The following NPC1 variants were observed in gnomAD, a reference collection of about 807,000 sequenced individuals.
NPC1 encodes the protein Niemann-Pick C1 protein.
Under a neutral mutation model 140.4 loss-of-function variants are expected in NPC1, and 85 were observed. That is an observed-to-expected ratio of 0.61 (90% CI 0.51 to 0.72). NPC1 has a LOEUF of 0.72. NPC1 is among the 30% of genes least tolerant of loss of function. The probability of loss-of-function intolerance (pLI) is 0.00; values close to 1 mark genes in which losing one functional copy is unlikely to be tolerated. For missense variants in NPC1, 1,504 were observed against 1,623.8 expected, an observed-to-expected ratio of 0.93 and a Z score of 1.27; for synonymous variants, 656 against 624.8, an observed-to-expected ratio of 1.05 and a Z score of -0.74.
chr18:23,530,555 T>C, downstream of NPC1: 4 of 1,614,240 alleles, frequency 2.5e-6, no homozygotes, highest in Non-Finnish European at 2.5e-6. Flanking sequence ...CTATACAATA[T>C]TCCGCTTTTT....
chr18:23,562,018 G>A (rs779967721), intron 4 of NPC1, among the ~76,000 whole-genome samples: 10 of 152,140 alleles, frequency 6.6e-5, no homozygotes, highest in Admixed American at 4.6e-4. Context: ...GGCCGGGCAC[G>A]GTGGCTCACA....
chr18:23,543,545 T>C lies in NPC1; in HGVS notation c.2155A>G (p.Thr719Ala). 6.2e-7 allele frequency: 1 copy of C among 1,602,014 alleles called. No homozygotes were observed. The highest frequency in any genetic ancestry group is 8.5e-7 in the Non-Finnish European group (1 of 1,173,882). ...ACCCTGCCCAGCTGCTGATCCAGGG[T>C]TTCCCCTTGAAGACGTTCATCTCTC... ...YQRDERLQGE[T>A]LDQQLGRVLG... is the part of the protein sequence containing the mutation. The change falls in exon 14 of 25, where the codon ACC (threonine) becomes GCC (alanine). Residue 719 changes from threonine (T) to alanine (A), a missense_variant. Coordinates refer to ENST00000269228, the MANE Select transcript of NPC1 (RefSeq NM_000271.5).
At chr18:23,561,549 A>G (rs1188615918) in intron 4 of NPC1, 22 bp from the exon 5 acceptor site, 2 of 1,612,120 alleles carry the variant, frequency 1.2e-6, no homozygotes, top group East Asian at 2.2e-5. Context: ...AACCCAAAGG[A>G]AAAAGGAGAC....
At chr18:23,568,708 G>A (rs1379831481) in intron 4 of NPC1, 115 bp downstream of exon 4, 5 of 817,562 alleles carry the variant, frequency 6.1e-6, no homozygotes, top group Non-Finnish European at 8.4e-6. Context: ...TTATTTCCTG[G>A]CCAATGGAAC....
intron 1 of NPC1, among the ~76,000 whole-genome samples, chr18:23,581,026 GT>G: frequency 6.6e-6 from 1 of 152,180 alleles, no homozygotes; most frequent in Non-Finnish European, 1.5e-5. Flanking sequence ...TGAGTGCTAG[GT>G]GTGCTCAGCT....
intron 16 of NPC1, 105 bp from the exon 17 acceptor site, chr18:23,540,642 A>G (rs2058701120): frequency 1.2e-6 from 1 of 865,404 alleles, no homozygotes; most frequent in Admixed American, 2.0e-5. Context: ...TTTAAAATGG[A>G]AAAGCTTAAA....
intron 3 of NPC1, among the ~76,000 whole-genome samples, chr18:23,511,002 T>C (rs146777951): frequency 2.0e-5 from 3 of 152,338 alleles, no homozygotes; most frequent in African/African-American, 7.2e-5. Context: ...ATATAAATTA[T>C]TCTACCATAA....
At chr18:23,568,051 C>G (rs929697775) in intron 4 of NPC1, among the ~76,000 whole-genome samples, 1 of 152,086 alleles carries the variant, frequency 6.6e-6, no homozygotes, top group African/African-American at 2.4e-5. Flanking sequence ...GATTTTTAAT[C>G]TACACAATTG....
downstream of NPC1, among the ~76,000 whole-genome samples, chr18:23,525,049 C>G (rs1031030109): frequency 2.1e-5 from 3 of 143,694 alleles, no homozygotes; most frequent in Admixed American, 1.5e-4. Context: ...CGGGTTCAAG[C>G]GATTCTCCTG....
At chr18:23,554,356 A>G (rs2058918285) in intron 9 of NPC1, among the ~76,000 whole-genome samples, 1 of 152,222 alleles carries the variant, frequency 6.6e-6, no homozygotes, top group African/African-American at 2.4e-5. Context: ...CTGTAATCCC[A>G]GCACTTTGGG....
At chr18:23,525,142 T>C (rs2058259942), downstream of NPC1, among the ~76,000 whole-genome samples, 1 of 151,344 alleles carries the variant, frequency 6.6e-6, no homozygotes, top group South Asian at 2.1e-4. Flanking sequence ...GACGAGGTTT[T>C]TCCATGTTGG....
At chr18:23,507,922 A>G (rs2057754538) in intron 3 of NPC1, 23 of 1,488,652 alleles carry the variant, frequency 1.5e-5, no homozygotes, top group East Asian at 2.3e-5. Context: ...TAGTATGCCA[A>G]CGTAGGTTGG....
chr18:23,520,344 T>C, downstream of NPC1: 1 of 1,540,772 alleles, frequency 6.5e-7, no homozygotes, highest in Non-Finnish European at 9.0e-7. Context: ...GAGTCTGTGC[T>C]GCCCTTTCAC....
intron 20 of NPC1, 49 bp downstream of exon 20, chr18:23,538,493 C>CA: frequency 6.2e-7 from 1 of 1,612,318 alleles, no homozygotes; most frequent in South Asian, 1.1e-5. Context: ...TTTTCTACTG[C>CA]AAATTAAAGT....
downstream of NPC1, chr18:23,530,330 A>G: frequency 2.5e-6 from 4 of 1,614,112 alleles, no homozygotes; most frequent in Non-Finnish European, 3.4e-6. Flanking sequence ...TAGACTATGG[A>G]AACTAACTCT....
chr18:23,540,506 C>T lies in NPC1; in HGVS notation c.2546G>A (p.Ser849Asn). 4 of 1,612,726 alleles carry T rather than the reference C, an allele frequency of 2.5e-6. 1 individual carries two copies. The highest frequency in any genetic ancestry group is 3.4e-6 in the Non-Finnish European group (4 of 1,179,122). The change falls in exon 17 of 25, where the codon AGC becomes AAC. Residue 849 changes from serine to asparagine, a missense_variant. Ser to Asn is a conservative substitution (Grantham distance 46, BLOSUM62 1). Coordinates refer to ENST00000269228, the MANE Select transcript of NPC1 (RefSeq NM_000271.5). ...ATCTACTTTGTTCAGGACTGCGATG[C>T]TGAATGACAGAACACCCACAAATAT... ...IAIFVGVLSF[S>N]IAVLNKVDIG...
chr18:23,562,162 G>A (rs113742252), intron 4 of NPC1, among the ~76,000 whole-genome samples: 2,073 of 151,964 alleles, frequency 0.014, 34 homozygotes, highest in African/African-American at 0.048. Flanking sequence ...GGTGGCGGAC[G>A]CCTGTAGTCC....
Position 23,538,861 on chromosome 18 carries a change from G to A in NPC1, c.2912-190C>T, listed in dbSNP as rs950584272. The A allele has an allele frequency of 2.9e-4, 184 of 638,294 alleles. 1 individual carries two copies. Among genetic ancestry groups the A allele is most frequent in the Non-Finnish European group, 4.4e-5 (16 of 367,016 alleles). The allele number at this position is 638,294 out of a possible 1,614,324, so 39.5% of individuals were successfully genotyped here. A position where few individuals can be genotyped will look rare whatever the true frequency, so the allele number is the denominator to read the frequency against. ...GTCACTTTCACAGTTTAATGAATCT[G>A]AAATACCATTTTCATCTTAGGCATA... On this transcript the variant is annotated intron_variant, in intron 19 of 24. Transcript: ENST00000269228.
chr18:23,518,623 G>A (rs1409464082), downstream of NPC1, among the ~76,000 whole-genome samples: 1 of 152,122 alleles, frequency 6.6e-6, no homozygotes, highest in East Asian at 1.9e-4. Flanking sequence ...TATTACATGT[G>A]TTTCTTTCCA....
Sources: allele counts gnomAD v4.1 joint callset (sites outside exome capture counted in the v4.1 genomes callset), GRCh38; gene constraint gnomAD v4.1.1; transcripts MANE v1.5; gene names NCBI Gene and HGNC (gene_info 2026-07-23, HGNC 2026-07-21).